RASGRF2: variants seen among roughly 807,000 people sequenced by gnomAD.
RASGRF2 encodes the protein ras-specific guanine nucleotide-releasing factor 2.
A neutral mutation model predicts 151.0 loss-of-function variants in RASGRF2; 76 were observed. That is an observed-to-expected ratio of 0.50 (90% CI 0.42 to 0.61). The LOEUF is 0.61. RASGRF2 is among the 20% of genes least tolerant of loss of function. The probability of loss-of-function intolerance (pLI) is 0.00; values close to 1 mark genes in which losing one functional copy is unlikely to be tolerated. For missense variants in RASGRF2, 1,148 were observed against 1,564.6 expected (o/e 0.73, Z 4.49); for synonymous variants, 504 against 566.5 (o/e 0.89, Z 1.57).
At chr5:81,009,183 A>G (rs1749375019) in intron 1 of RASGRF2, among the ~76,000 whole-genome samples, 2 of 152,166 alleles carry the variant, frequency 1.3e-5, no homozygotes, top group Admixed American at 1.3e-4. Flanking sequence ...CATGACGAGA[A>G]CTCGATGAGA....
intron 1 of RASGRF2, among the ~76,000 whole-genome samples, chr5:81,018,982 TAG>T (rs1468166165): frequency 6.6e-6 from 1 of 150,984 alleles, no homozygotes; most frequent in Non-Finnish European, 1.5e-5. Context: ...GTATTTTTGG[TAG>T]AGATAGGGTT....
chr5:81,057,529 TTTTA>T (rs1329284600), intron 2 of RASGRF2, among the ~76,000 whole-genome samples: 1 of 152,208 alleles, frequency 6.6e-6, no homozygotes, highest in Admixed American at 6.5e-5. Context: ...GGTTAGGATT[TTTTA>T]TTTATTTTTA....
intron 12 of RASGRF2, among the ~76,000 whole-genome samples, chr5:81,108,617 A>G (rs757733624): frequency 2.0e-5 from 3 of 152,230 alleles, no homozygotes; most frequent in Non-Finnish European, 4.4e-5. Context: ...TGAATATAGC[A>G]AGAGCAATCA....
intron 18 of RASGRF2, among the ~76,000 whole-genome samples, chr5:81,198,918 G>T (rs193191805): frequency 6.6e-6 from 1 of 152,148 alleles, no homozygotes; most frequent in Non-Finnish European, 1.5e-5. Context: ...TTTTCCTTTG[G>T]GTATATACCC....
intron 2 of RASGRF2, among the ~76,000 whole-genome samples, chr5:81,058,811 A>T (rs1561583359): frequency 1.3e-5 from 2 of 151,830 alleles, no homozygotes; most frequent in East Asian, 3.9e-4. Flanking sequence ...GAGAGTGTGT[A>T]AAATAAATCA....
chr5:80,969,812 C>CT (rs1561531426), intron 1 of RASGRF2, among the ~76,000 whole-genome samples: 19 of 98,898 alleles, frequency 1.9e-4, no homozygotes, highest in Middle Eastern at 5.4e-3. Context: ...AATACTTCTT[C>CT]TTCTTTTTTT....
At chr5:81,038,523 T>C (rs999345321) in intron 1 of RASGRF2, among the ~76,000 whole-genome samples, 6 of 152,054 alleles carry the variant, frequency 3.9e-5, no homozygotes, top group African/African-American at 1.4e-4. Context: ...TTTTTGCCTG[T>C]ATTTATATTG....
intron 1 of RASGRF2, among the ~76,000 whole-genome samples, chr5:80,968,696 A>G (rs1379131886): frequency 2.0e-5 from 3 of 152,160 alleles, no homozygotes; most frequent in African/African-American, 2.4e-5. Context: ...ATCAATTTTA[A>G]AAATTGAGAC....
chr5:81,076,460 A>T (rs1236613260), intron 5 of RASGRF2, among the ~76,000 whole-genome samples: 2 of 152,310 alleles, frequency 1.3e-5, no homozygotes, highest in African/African-American at 4.8e-5. Flanking sequence ...CTGATGGGGC[A>T]GATGGGAGGG....
intron 12 of RASGRF2, among the ~76,000 whole-genome samples, chr5:81,104,815 G>A (rs1345494870): frequency 6.6e-6 from 1 of 152,166 alleles, no homozygotes; most frequent in Non-Finnish European, 1.5e-5. Flanking sequence ...ATGAAGGGTG[G>A]AGGAGGGGAA....
chr5:80,994,139 G>T (rs1040780080), intron 1 of RASGRF2, among the ~76,000 whole-genome samples: 2 of 152,072 alleles, frequency 1.3e-5, no homozygotes, highest in African/African-American at 2.4e-5. Flanking sequence ...GCCAGGGCGG[G>T]CGGATCACGA....
At chr5:81,201,891 C>A (rs1473506044) in intron 19 of RASGRF2, among the ~76,000 whole-genome samples, 1 of 152,204 alleles carries the variant, frequency 6.6e-6, no homozygotes, top group Non-Finnish European at 1.5e-5. Context: ...TAGGAATTTT[C>A]TTTGGCTCAT....
chr5:81,060,778 C>T (rs549949048), intron 2 of RASGRF2, among the ~76,000 whole-genome samples: 1 of 152,278 alleles, frequency 6.6e-6, no homozygotes, highest in East Asian at 1.9e-4. Context: ...TTTCTCTTTT[C>T]TCCCCACTTA....
intron 1 of RASGRF2, among the ~76,000 whole-genome samples, chr5:81,003,015 G>T (rs932825238): frequency 6.6e-6 from 1 of 152,110 alleles, no homozygotes; most frequent in Non-Finnish European, 1.5e-5. Flanking sequence ...TGCCAGAAGA[G>T]GGTAGCTATG....
intron 17 of RASGRF2, among the ~76,000 whole-genome samples, chr5:81,163,854 A>G (rs1237467050): frequency 6.6e-6 from 1 of 152,230 alleles, no homozygotes; most frequent in Non-Finnish European, 1.5e-5. Flanking sequence ...TGGTCACATC[A>G]TCATTGATGT....
intron 12 of RASGRF2, among the ~76,000 whole-genome samples, chr5:81,106,410 A>G (rs1180058796): frequency 6.6e-6 from 1 of 152,128 alleles, no homozygotes; most frequent in African/African-American, 2.4e-5. Context: ...CATTGAACGA[A>G]TACCACCATG....
intron 17 of RASGRF2, among the ~76,000 whole-genome samples, chr5:81,151,210 A>G (rs558548493): frequency 1.3e-5 from 2 of 152,332 alleles, no homozygotes; most frequent in Non-Finnish European, 2.9e-5. Context: ...GGGCTTGTCC[A>G]GCCCTCTGGC....
chr5:81,103,008 G>A (rs954859976), intron 12 of RASGRF2, among the ~76,000 whole-genome samples: 11 of 151,754 alleles, frequency 7.2e-5, no homozygotes, highest in African/African-American at 2.4e-4. Context: ...GTGACAACTT[G>A]GAAAAGACCA....
intron 1 of RASGRF2, among the ~76,000 whole-genome samples, chr5:80,999,128 A>G (rs190206126): frequency 4.8e-4 from 73 of 152,040 alleles, no homozygotes; most frequent in Admixed American, 1.8e-3. Context: ...GACTGATGCA[A>G]TGGGGTTGGA....
Sources: allele counts gnomAD v4.1 joint callset (sites outside exome capture counted in the v4.1 genomes callset), GRCh38; gene constraint gnomAD v4.1.1; transcripts MANE v1.5; gene names NCBI Gene and HGNC (gene_info 2026-07-23, HGNC 2026-07-21).